The following WDR64 variants were observed in gnomAD, a reference collection of about 807,000 sequenced individuals.
WDR64 encodes WD repeat-containing protein 64.
WDR64 carries 112 observed loss-of-function variants against 139.3 expected under a neutral mutation model. That is an observed-to-expected ratio of 0.80 (90% CI 0.69 to 0.94). The LOEUF is 0.94. Among genes scored for constraint, WDR64 ranks in the 40% least tolerant of loss-of-function variants. The pLI, the probability that WDR64 is intolerant of heterozygous loss-of-function variation, is 0.00. For missense variants in WDR64, 1,206 were observed against 1,293.1 expected (o/e 0.93, Z 1.03); for synonymous variants, 444 against 437.7 (o/e 1.01, Z -0.18).
chr1:241,800,072 G>GA (rs1659477722), intron 27 of WDR64, among the ~76,000 whole-genome samples: 1 of 152,160 alleles, frequency 6.6e-6, no homozygotes, highest in Admixed American at 6.5e-5. Flanking sequence ...TTTGCTGAAT[G>GA]AAATAGTGAA....
intron 21 of WDR64, 96 bp downstream of exon 21, chr1:241,775,306 C>A: frequency 2.2e-6 from 2 of 900,200 alleles, no homozygotes; most frequent in Middle Eastern, 4.4e-4. Context: ...TATGGTGAAA[C>A]AAAAGAGAGA....
intron 8 of WDR64, among the ~76,000 whole-genome samples, chr1:241,696,600 C>T (rs1228322516): frequency 6.6e-6 from 1 of 152,080 alleles, no homozygotes; most frequent in Non-Finnish European, 1.5e-5. Flanking sequence ...AGGGTTTCTC[C>T]CTTTTTTAGA....
chr1:241,693,299 G>T (rs1248957193), intron 8 of WDR64, among the ~76,000 whole-genome samples: 2 of 152,122 alleles, frequency 1.3e-5, no homozygotes, highest in Admixed American at 6.5e-5. Flanking sequence ...CTAAGTTAAA[G>T]AAGCCAAACT....
At chr1:241,795,010 GAC>G (rs773259278) in intron 25 of WDR64, among the ~76,000 whole-genome samples, 195 bp from the exon 26 acceptor site, 6 of 152,026 alleles carry the variant, frequency 3.9e-5, no homozygotes, top group South Asian at 2.1e-4. Context: ...CATGAATGAT[GAC>G]ACAGTGGTAC....
chr1:241,652,488 G>A lies in WDR64; in HGVS notation c.4G>A (p.Asp2Asn). ...GTAAAAGATCCCCTATGTCCCTATGGATATCAGGAAGGAAAAGCGTCTCAA... is the reference window on the plus strand; with the variant it reads ...GTAAAAGATCCCCTATGTCCCTATGAATATCAGGAAGGAAAAGCGTCTCAA... M[D>N]IRKEKRLNMA... Residue 2 changes from aspartate (D) to asparagine (N), a missense_variant, in exon 1 of 28, where the codon GAT (aspartate) becomes AAT (asparagine). By Grantham distance (23) the Asp-to-Asn change is conservative. Coordinates refer to ENST00000437684, the MANE Select transcript of WDR64 (RefSeq NM_001367482.1). 6.4e-7 allele frequency: 1 copy of A among 1,552,114 alleles called. No homozygotes were observed. The highest frequency in any genetic ancestry group is 2.4e-5 in the East Asian group (1 of 40,908).
intron 2 of WDR64, among the ~76,000 whole-genome samples, chr1:241,665,289 G>A (rs190566201): frequency 3.5e-4 from 54 of 152,174 alleles, no homozygotes; most frequent in African/African-American, 1.2e-3. Flanking sequence ...GTGCTCCTAA[G>A]GGGCATTTCT....
intron 1 of WDR64, among the ~76,000 whole-genome samples, chr1:241,659,363 T>G (rs891928331): frequency 6.6e-6 from 1 of 152,218 alleles, no homozygotes; most frequent in Admixed American, 6.5e-5. Context: ...AGTGCTGCAA[T>G]GAGCATATGC....
Position 241,757,459 on chromosome 1 carries a change from T to C in WDR64, c.1947T>C (p.Asp649=), listed in dbSNP as rs200686362. 194 of 1,602,736 alleles carry C rather than the reference T, an allele frequency of 1.2e-4. 1 individual carries two copies. Among genetic ancestry groups the C allele is most frequent in the Non-Finnish European group, 1.3e-4 (155 of 1,175,066 alleles). ...IVERNFSQPT[D]NPTMDLLRVN... ...AGAGGAACTTTTCTCAACCTACTGATGTAAGTTTCCTCTCTTGGTTTCTTT... is the reference window on the plus strand; with the variant it reads ...AGAGGAACTTTTCTCAACCTACTGACGTAAGTTTCCTCTCTTGGTTTCTTT... The change falls in exon 15 of 28, where the codon GAT becomes GAC. Residue 649 remains aspartate, a splice_region_variant and synonymous_variant. Coordinates refer to ENST00000437684, the MANE Select transcript of WDR64 (RefSeq NM_001367482.1).
At position 241,744,405 on chromosome 1, in the gene WDR64, G is replaced by A. The variant is rs1379292679; in HGVS notation, c.1483G>A (p.Glu495Lys). ...TTCTTTCCCATAGGTATGGGAACTC[G>A]AGACTGGGCTCCAAGTATACCAGAT... is the stretch of plus-strand genomic sequence containing the variant. The part of the protein sequence containing the change: ...SESIIRVWEL[E>K]TGLQVYQILE... The change falls in exon 13 of 28, where the codon GAG becomes AAG. Residue 495 changes from glutamate (E) to lysine (K), a missense_variant. By Grantham distance (56) the Glu-to-Lys change is moderately conservative. Transcript: ENST00000437684. The A allele has an allele frequency of 1.1e-5, 18 of 1,613,962 alleles. No homozygotes were observed. The highest frequency in any genetic ancestry group is 5.3e-5 in the African/African-American group (4 of 74,908).
Position 241,660,659 on chromosome 1 carries a change from A to G in WDR64, c.275A>G (p.Glu92Gly). The G allele has an allele frequency of 6.5e-7, 1 of 1,549,250 alleles. No homozygotes were observed. Among genetic ancestry groups the G allele is most frequent in the Non-Finnish European group, 8.7e-7 (1 of 1,146,156 alleles). Reference sequence around the variant, plus strand: ...ACGGATGCATCTGCAGACTGGTGTGAGGTAGACTCATTTCATGTTCATAAT... The same window carrying G: ...ACGGATGCATCTGCAGACTGGTGTGGGGTAGACTCATTTCATGTTCATAAT... ...NNTDASADWCEIFGYFSSEED... is the reference protein window; with the variant it reads ...NNTDASADWCGIFGYFSSEED... The change falls in exon 2 of 28, where the codon GAG (glutamate) becomes GGG (glycine). Residue 92 changes from glutamate (E) to glycine (G), a missense_variant and splice_region_variant. By Grantham distance (98) the Glu-to-Gly change is moderately conservative. Transcript: ENST00000437684.
chr1:241,716,071 A>C (rs1317312584), intron 9 of WDR64, among the ~76,000 whole-genome samples: 3 of 152,206 alleles, frequency 2.0e-5, no homozygotes, highest in Non-Finnish European at 4.4e-5. Flanking sequence ...AGCCTCTATT[A>C]GTAGAAAATG....
At chr1:241,743,089 A>T (rs1281061440) in intron 12 of WDR64, among the ~76,000 whole-genome samples, 2 of 152,192 alleles carry the variant, frequency 1.3e-5, no homozygotes, top group Non-Finnish European at 2.9e-5. Context: ...GTATTAGTGC[A>T]TTTCTGGTAA....
intron 22 of WDR64, 146 bp from the exon 23 acceptor site, chr1:241,783,126 A>T (rs1268990055): frequency 3.0e-6 from 2 of 662,372 alleles, no homozygotes; most frequent in East Asian, 5.8e-5. Flanking sequence ...AGAAGAGCTA[A>T]TTGGGGGCAA....
At position 241,797,511 on chromosome 1, in the gene WDR64, T is replaced by C. The variant is rs563118651; in HGVS notation, c.3192+1141T>C. ...AAAATTAAAAAGGAGTTGGCGTTTA[T>C]TGATTGTGCCTAACTCAGTAATACA... On this transcript the variant is annotated intron_variant, in intron 27 of 27. Coordinates refer to ENST00000437684, the MANE Select transcript of WDR64 (RefSeq NM_001367482.1). 2.4e-4 allele frequency among the ~76,000 whole-genome samples: 37 copies of C among 152,342 alleles called. No homozygotes were observed. In the South Asian group the frequency reaches 4.6e-3, roughly 19 times the overall value.
At chr1:241,708,561 G>A (rs1235710307) in intron 8 of WDR64, among the ~76,000 whole-genome samples, 1 of 152,042 alleles carries the variant, frequency 6.6e-6, no homozygotes, top group Non-Finnish European at 1.5e-5. Flanking sequence ...TGATCCGCCC[G>A]CCTTGGCCTC....
intron 12 of WDR64, 51 bp from the exon 13 acceptor site, chr1:241,744,342 T>G: frequency 1.2e-6 from 2 of 1,608,236 alleles, no homozygotes; most frequent in Non-Finnish European, 1.7e-6. Context: ...CTGATGAGAA[T>G]TGAAGGGCTT....
chr1:241,762,197 TGCA>T (rs71819425), intron 15 of WDR64, among the ~76,000 whole-genome samples: 22,896 of 152,184 alleles, frequency 0.15, 1,912 homozygotes, highest in African/African-American at 0.19. Context: ...ATCCACGGGC[TGCA>T]GAAGGAATAC....
intron 9 of WDR64, 59 bp downstream of exon 9, chr1:241,711,940 G>A (rs1016016669): frequency 5.3e-6 from 8 of 1,514,072 alleles, no homozygotes; most frequent in African/African-American, 4.1e-5. Flanking sequence ...CGTTCTCTTC[G>A]AGTTTTGGTG....
At position 241,652,588 on chromosome 1, in the gene WDR64, A is replaced by G. The variant is rs1408512966; in HGVS notation, c.104A>G (p.Gln35Arg). Residue 35 changes from glutamine to arginine, a missense_variant, in exon 1 of 28, where the codon CAG becomes CGG. Coordinates refer to ENST00000437684, the MANE Select transcript of WDR64 (RefSeq NM_001367482.1). ...AAATTGGTTGAACAAACAGCAGCCC[A>G]GAAAAGAGATGAAAGAGCAGGCTTA... ...FEKLVEQTAA[Q>R]KRDERAGLFI... 3.2e-6 allele frequency: 5 copies of G among 1,551,804 alleles called. No homozygotes were observed. Among genetic ancestry groups the G allele is most frequent in the Non-Finnish European group, 3.5e-6 (4 of 1,147,044 alleles).
Sources: gnomAD v4.1 joint callset for allele counts (sites outside exome capture counted in the v4.1 genomes callset) on GRCh38, gnomAD v4.1.1 for gene constraint, MANE v1.5 for transcripts, NCBI Gene and HGNC (gene_info 2026-07-23, HGNC 2026-07-21) for gene names.